GABRG3: variants seen among roughly 807,000 people sequenced by gnomAD.
The protein encoded by GABRG3 is gamma-aminobutyric acid receptor subunit gamma-3.
In GABRG3, 25 loss-of-function variants were observed where a neutral mutation model predicts 48.8. The observed-to-expected ratio is 0.51, with a 90% CI of 0.37 to 0.72. The LOEUF (loss-of-function observed/expected upper bound fraction) is 0.72. Ranked by LOEUF, GABRG3 falls within the 30% of genes least tolerant of loss-of-function variation. The probability of loss-of-function intolerance (pLI) is 0.00; values close to 1 mark genes in which losing one functional copy is unlikely to be tolerated. For missense variants in GABRG3, 394 were observed against 577.9 expected, an observed-to-expected ratio of 0.68 and a Z score of 3.26; for synonymous variants, 227 against 217.6, an observed-to-expected ratio of 1.04 and a Z score of -0.38.
Position 27,283,252 on chromosome 15 carries a change from G to A in GABRG3, c.271-43557G>A, listed in dbSNP as rs28436145. ...TGCCAAGCATTTGTTGATGGTGTTGGGGTGGGGCATGAATTTTCTTCTGGT... is the reference window on the plus strand; with the variant it reads ...TGCCAAGCATTTGTTGATGGTGTTGAGGTGGGGCATGAATTTTCTTCTGGT... On this transcript the variant is annotated intron_variant, in intron 3 of 9. Coordinates refer to ENST00000615808, the MANE Select transcript of GABRG3 (RefSeq NM_033223.5). Among the ~76,000 whole-genome samples the A allele has an allele frequency of 3.5e-3, 531 of 152,268 alleles. 2 individuals carry two copies. The highest frequency in any genetic ancestry group is 0.012 in the African/African-American group (505 of 41,560).
At chr15:27,501,092 C>T (rs1372853981) in intron 6 of GABRG3, among the ~76,000 whole-genome samples, 3 of 151,830 alleles carry the variant, frequency 2.0e-5, no homozygotes, top group South Asian at 2.1e-4. Flanking sequence ...GCTGGGACTA[C>T]AGGCGCCCGC....
At position 27,537,095 on chromosome 15, in the gene GABRG3, C is replaced by A. The variant is rs1379597343; in HGVS notation, c.*4214C>A. ...TTTTCCTGAGCGATTTTAAACTCTA[C>A]CCGTAAGAAATTTCATCTGCAATTT... On this transcript the variant is annotated 3_prime_UTR_variant, in exon 10 of 10. Coordinates refer to ENST00000615808, the MANE Select transcript of GABRG3 (RefSeq NM_033223.5). 3 of 148,530 alleles carry A rather than the reference C, an allele frequency of 2.0e-5. No individual in the cohort carries two copies. The Admixed American group carries it at 2.0e-4, about 10-fold the overall frequency. The allele number at this position is 148,530 out of a possible 1,614,324, so 9.2% of individuals were successfully genotyped here.
chr15:27,047,058 C>CT (rs1896377959), intron 3 of GABRG3, among the ~76,000 whole-genome samples: 1 of 152,148 alleles, frequency 6.6e-6, no homozygotes, highest in Admixed American at 6.6e-5. Flanking sequence ...GTGTCAGTTG[C>CT]TTGCTCAGCT....
In GABRG3 at chr15:27,180,897, G is replaced by T; in HGVS notation, c.271-145912G>T. Among the ~76,000 whole-genome samples the T allele has an allele frequency of 6.6e-6, 1 of 152,130 alleles. No homozygotes were observed. The highest frequency in any genetic ancestry group is 1.5e-5 in the Non-Finnish European group (1 of 68,010). ...GCTTGGACTAACCAATCTAACACAG[G>T]ATTATCGTTCCAGTTTAGTATTTTA... On this transcript the variant is annotated intron_variant, in intron 3 of 9. Transcript: ENST00000615808. The surrounding 1 kb of genome is among the most constrained non-coding windows in gnomAD (Gnocchi z 4.2).
chr15:26,983,507 T>C (rs1432130), intron 2 of GABRG3, among the ~76,000 whole-genome samples: 88,545 of 152,094 alleles, frequency 0.58, 27,231 homozygotes, highest in East Asian at 0.9. Flanking sequence ...AAAGACCAAG[T>C]CCCTTAAAAA....
intron 5 of GABRG3, among the ~76,000 whole-genome samples, chr15:27,387,977 G>A (rs1282192827): frequency 1.1e-5 from 1 of 89,334 alleles, no homozygotes; most frequent in East Asian, 4.2e-4. Context: ...AGGAAGGAAA[G>A]GAAGGAGGGA....
intron 3 of GABRG3, among the ~76,000 whole-genome samples, chr15:27,276,470 G>C (rs1595631330): frequency 6.6e-6 from 1 of 152,262 alleles, no homozygotes; most frequent in East Asian, 1.9e-4. Flanking sequence ...TGTTCTTTCA[G>C]ACTAGAATAT....
At chr15:27,010,469 C>T (rs1477458589) in intron 2 of GABRG3, among the ~76,000 whole-genome samples, 1 of 152,150 alleles carries the variant, frequency 6.6e-6, no homozygotes, top group Non-Finnish European at 1.5e-5. Flanking sequence ...AAAACAATAG[C>T]CCCAGGCATT....
Position 27,326,946 on chromosome 15 carries a change from T to G in GABRG3, c.408T>G (p.Ser136=). The G allele has an allele frequency of 6.2e-7, 1 of 1,614,032 alleles. No homozygotes were observed. The highest frequency in any genetic ancestry group is 8.5e-7 in the Non-Finnish European group (1 of 1,179,894). ...IWIPDTIFRN[S]KTAEAHWITT... ...TCCCAGACACCATCTTCCGCAATTC[T>G]AAAACCGCAGAGGCTCACTGGATCA... is the stretch of plus-strand genomic sequence containing the variant. Residue 136 remains serine (S), a synonymous_variant, in exon 4 of 10, where the codon TCT becomes TCG. Coordinates refer to ENST00000615808, the MANE Select transcript of GABRG3 (RefSeq NM_033223.5).
At chr15:27,313,258 GTGTGTATATATATATATATATATATA>G (rs1893072071) in intron 3 of GABRG3, among the ~76,000 whole-genome samples, 2 of 53,052 alleles carry the variant, frequency 3.8e-5, no homozygotes, top group Non-Finnish European at 6.6e-5. Flanking sequence ...GTGTGTGTGT[GTGTGTATATATATATATATATATATA>G]TATATATATA....
chr15:27,223,966 C>G (rs1284574151), intron 3 of GABRG3, among the ~76,000 whole-genome samples: 2 of 152,254 alleles, frequency 1.3e-5, no homozygotes. Flanking sequence ...GTATGTCTGC[C>G]TTCCCTTTAG....
intron 3 of GABRG3, among the ~76,000 whole-genome samples, chr15:27,123,114 GA>G (rs750882197): frequency 6.6e-6 from 1 of 152,168 alleles, no homozygotes; most frequent in Non-Finnish European, 1.5e-5. Flanking sequence ...GGACATCTGT[GA>G]AATCACTCTT....
intron 3 of GABRG3, among the ~76,000 whole-genome samples, chr15:27,137,889 T>G (rs1566944803): frequency 6.6e-6 from 1 of 152,228 alleles, no homozygotes; most frequent in Non-Finnish European, 1.5e-5. Context: ...TTTTCCCTTC[T>G]ACTTGTTGAT....
intron 3 of GABRG3, among the ~76,000 whole-genome samples, chr15:27,287,737 C>CTTTTTTT (rs61469529): frequency 4.1e-5 from 5 of 123,280 alleles, no homozygotes; most frequent in African/African-American, 6.7e-5. Flanking sequence ...TTTGCTGTGT[C>CTTTTTTT]TTTTTTTTTT....
intron 3 of GABRG3, among the ~76,000 whole-genome samples, chr15:27,242,005 A>G (rs925865335): frequency 3.9e-5 from 6 of 152,224 alleles, no homozygotes; most frequent in Admixed American, 2.0e-4. Context: ...TTCAGCTGAT[A>G]TGACAGCTTC....
intron 3 of GABRG3, among the ~76,000 whole-genome samples, chr15:27,096,086 T>A (rs575877615): frequency 6.6e-6 from 1 of 152,192 alleles, no homozygotes; most frequent in Non-Finnish European, 1.5e-5. Flanking sequence ...CAGCAAAGTA[T>A]AGCCAGTCAG....
At chr15:27,129,471 CTA>C (rs1303351548) in intron 3 of GABRG3, among the ~76,000 whole-genome samples, 2 of 152,176 alleles carry the variant, frequency 1.3e-5, no homozygotes, top group South Asian at 2.1e-4. Flanking sequence ...TGTGTTGCTT[CTA>C]CCTTCTGGTT....
chr15:26,995,780 T>A (rs1895329853), intron 2 of GABRG3, among the ~76,000 whole-genome samples: 1 of 152,142 alleles, frequency 6.6e-6, no homozygotes, highest in African/African-American at 2.4e-5. Flanking sequence ...TCACCCTTTT[T>A]ATACTGTCAT....
At chr15:27,124,953 C>T (rs536506676) in intron 3 of GABRG3, among the ~76,000 whole-genome samples, 8 of 152,254 alleles carry the variant, frequency 5.3e-5, no homozygotes, top group African/African-American at 1.9e-4. Context: ...TTCTTCAAAA[C>T]CTCAGCGCAC....
Sources: gnomAD v4.1 joint callset for allele counts (sites outside exome capture counted in the v4.1 genomes callset) on GRCh38, gnomAD v4.1.1 for gene constraint, Gnocchi (gnomAD v3.1) non-coding constraint, MANE v1.5 for transcripts, NCBI Gene and HGNC (gene_info 2026-07-23, HGNC 2026-07-21) for gene names.